SPATA6L: variants seen among roughly 807,000 people sequenced by gnomAD.
SPATA6L encodes the protein spermatogenesis associated 6-like protein.
A neutral mutation model predicts 49.2 loss-of-function variants in SPATA6L; 68 were observed. The ratio of observed to expected loss-of-function variants is 1.38; its 90% confidence interval spans 1.14 to 1.69. SPATA6L has a LOEUF of 1.69. Among genes scored for constraint, SPATA6L ranks in the 40% most tolerant of loss-of-function variants. The probability of loss-of-function intolerance (pLI) is 0.00; values close to 1 mark genes in which losing one functional copy is unlikely to be tolerated. For missense variants in SPATA6L, 668 were observed against 464.3 expected (o/e 1.44, Z -4.03); for synonymous variants, 198 against 165.7 (o/e 1.19, Z -1.50).
chr9:4,626,406 C>G, intron 5 of SPATA6L: 9 of 1,302,430 alleles, frequency 6.9e-6, no homozygotes, highest in Non-Finnish European at 9.1e-6. Flanking sequence ...GATCTGAGTT[C>G]CAGCTCATCC....
At chr9:4,658,138 C>G (rs1838734426) in intron 2 of SPATA6L, among the ~76,000 whole-genome samples, 1 of 152,180 alleles carries the variant, frequency 6.6e-6, no homozygotes, top group South Asian at 2.1e-4. Flanking sequence ...GCCTCCAGAA[C>G]AGTGAGATGA....
rs1312793967 is a variant in SPATA6L at position 4,598,654 on chromosome 9, G to A, written c.*2157C>T. On this transcript the variant is annotated 3_prime_UTR_variant, in exon 12 of 12. Transcript: ENST00000682582. Reference sequence around the variant, plus strand: ...AAAAACACTGAATATTGAATGTCATGGTGTATATTTTAACAATAACTGAAA... The same window carrying A: ...AAAAACACTGAATATTGAATGTCATAGTGTATATTTTAACAATAACTGAAA... 1.3e-5 allele frequency among the ~76,000 whole-genome samples: 2 copies of A among 152,150 alleles called. No individual in the cohort carries two copies. Among genetic ancestry groups the A allele is most frequent in the African/African-American group, 2.4e-5 (1 of 41,426 alleles).
At chr9:4,617,496 G>A (rs1828280901) in intron 9 of SPATA6L, 1 of 154,360 alleles carries the variant, frequency 6.5e-6, no homozygotes, top group Non-Finnish European at 1.4e-5. Context: ...CATTGTTTGT[G>A]AAAATAATGT....
chr9:4,602,839 G>C (rs964603522), intron 11 of SPATA6L, among the ~76,000 whole-genome samples: 5 of 152,214 alleles, frequency 3.3e-5, no homozygotes, highest in Non-Finnish European at 7.3e-5. Flanking sequence ...CCTAACCTAT[G>C]CCTCAGTTTT....
rs1830146528 is a variant in SPATA6L at position 4,625,383 on chromosome 9, G to A, written c.613C>T (p.Leu205Phe). ...CCAGAGATTTTGAAATTATTTCCAA[G>A]GTTCAACTGAGCTGGCTGGTCCTGG... is the stretch of plus-strand genomic sequence containing the variant. ...FFQDQPAQLN[L>F]GNNFKISGGS... Residue 205 changes from leucine (L) to phenylalanine (F), a missense_variant, in exon 6 of 12, where the codon CTT becomes TTT. By Grantham distance (22) the Leu-to-Phe change is conservative. Transcript: ENST00000682582. 6.2e-7 allele frequency: 1 copy of A among 1,613,920 alleles called. No homozygotes were observed. Among genetic ancestry groups the A allele is most frequent in the African/African-American group, 1.3e-5 (1 of 74,890 alleles).
chr9:4,604,879 C>T (rs1322765700), intron 10 of SPATA6L, among the ~76,000 whole-genome samples: 1 of 152,156 alleles, frequency 6.6e-6, no homozygotes, highest in Admixed American at 6.5e-5. Flanking sequence ...AAGCACTCCC[C>T]ATACCCCTGT....
In SPATA6L at chr9:4,662,276, C is replaced by A; in HGVS notation, c.40-240G>T. On this transcript the variant is annotated intron_variant, in intron 1 of 11. Transcript: ENST00000682582. This position sits in a 1 kb window ranked among gnomAD's most constrained non-coding sequence, Gnocchi z 4.9. ...ATCGCGCTCTCGCCGGCTCCTCTCC[C>A]CGCCCCTCCGGGATGGTAGTGCGGA... is the stretch of plus-strand genomic sequence containing the variant. The A allele has an allele frequency of 7.0e-7, 1 of 1,434,782 alleles. No individual in the cohort carries two copies. Among genetic ancestry groups the A allele is most frequent in the African/African-American group, 1.4e-5 (1 of 69,670 alleles). The allele number at this position is 1,434,782 out of a possible 1,614,324, so 88.9% of individuals were successfully genotyped here.
chr9:4,636,545 G>A (rs1052758920), intron 3 of SPATA6L, among the ~76,000 whole-genome samples: 1 of 152,130 alleles, frequency 6.6e-6, no homozygotes, highest in Non-Finnish European at 1.5e-5. Context: ...GACTGAGAGT[G>A]GTCCCCGCAC....
At chr9:4,647,565 T>A (rs1835696850) in intron 3 of SPATA6L, among the ~76,000 whole-genome samples, 1 of 152,158 alleles carries the variant, frequency 6.6e-6, no homozygotes, top group Admixed American at 6.5e-5. Flanking sequence ...CACTCCAGCC[T>A]TGGCAATGGA....
chr9:4,597,721 G>A (rs1179432192), downstream of SPATA6L, among the ~76,000 whole-genome samples: 1 of 152,222 alleles, frequency 6.6e-6, no homozygotes, highest in African/African-American at 2.4e-5. Flanking sequence ...CCCAGCACAA[G>A]GGAAGAGAGA....
chr9:4,625,510 G>C lies in SPATA6L; in HGVS notation c.486C>G (p.Pro162=). 3 of 1,613,218 alleles carry C rather than the reference G, an allele frequency of 1.9e-6. No individual in the cohort carries two copies. Among genetic ancestry groups the C allele is most frequent in the South Asian group, 1.1e-5 (1 of 90,926 alleles). ...TTAGTTTCATCTTTATAGTATTTAA[G>C]GGAAATATTGGTTCATGTGATGTAG... ...PLSTSHEPIF[P]LNTIKMKLKE... The change falls in exon 6 of 12, where the codon CCC becomes CCG. Residue 162 remains proline, a synonymous_variant. Coordinates refer to ENST00000682582, the MANE Select transcript of SPATA6L (RefSeq NM_001353486.2).
chr9:4,661,787 A>G (rs547969232), intron 2 of SPATA6L, 112 bp downstream of exon 2: 6 of 1,167,414 alleles, frequency 5.1e-6, no homozygotes, highest in Non-Finnish European at 6.9e-6. Context: ...GTGCTTTCGG[A>G]TAATTTTTTT....
At chr9:4,642,102 G>T (rs1834161689) in intron 3 of SPATA6L, among the ~76,000 whole-genome samples, 2 of 152,168 alleles carry the variant, frequency 1.3e-5, no homozygotes, top group South Asian at 4.1e-4. Flanking sequence ...ATCTGTCAGG[G>T]ATTGTTGAAT....
intron 3 of SPATA6L, among the ~76,000 whole-genome samples, chr9:4,652,841 CAAAAAAAA>C (rs79392745): frequency 1.8e-5 from 1 of 56,554 alleles, no homozygotes; most frequent in Non-Finnish European, 4.0e-5. Flanking sequence ...AATTCCGTCC[CAAAAAAAA>C]AAAAAAAAAA....
In SPATA6L at chr9:4,604,249, T is replaced by C; in HGVS notation, c.1110A>G (p.Val370=). The C allele has an allele frequency of 1.9e-6, 3 of 1,609,762 alleles. No homozygotes were observed. The South Asian group carries it at 3.3e-5, about 18-fold the overall frequency. The change falls in exon 11 of 12, where the codon GTA becomes GTG. Residue 370 remains valine, a synonymous_variant. Transcript: ENST00000682582. The stretch of plus-strand genomic sequence containing the variant: ...AGCTTGGTCTTTCAATGATATAATT[T>C]ACTTCAGAGGTAGAATCTTCCTACA... ...HQNKEDSTSE[V]NYIIERPSYP... is the part of the protein sequence containing the mutation.
chr9:4,632,034 C>CTTTTTT (rs905629115), intron 4 of SPATA6L, among the ~76,000 whole-genome samples: 4 of 113,012 alleles, frequency 3.5e-5, no homozygotes, highest in East Asian at 2.8e-4. Context: ...ACATCAGCTA[C>CTTTTTT]TTTTTTTTTT....
Position 4,662,309 on chromosome 9 carries a change from G to C in SPATA6L, c.40-273C>G, listed in dbSNP as rs970560980. On this transcript the variant is annotated intron_variant, in intron 1 of 11. Coordinates refer to ENST00000682582, the MANE Select transcript of SPATA6L (RefSeq NM_001353486.2). This position sits in a 1 kb window ranked among gnomAD's most constrained non-coding sequence, Gnocchi z 4.9. ...CCGGGATGGTAGTGCGGAAGCGGAA[G>C]AGGCTGCAGGGCCGGGAAGCCTCTG... 34 of 1,436,230 alleles carry C rather than the reference G, an allele frequency of 2.4e-5. No homozygotes were observed. The highest frequency in any genetic ancestry group is 3.1e-5 in the Non-Finnish European group (34 of 1,100,604). 89.0% of individuals were successfully genotyped at this position (1,436,230 alleles called of 1,614,324 possible).
In SPATA6L at chr9:4,622,402, G is replaced by A. The variant is rs772834320; in HGVS notation, c.772+6C>T. The stretch of plus-strand genomic sequence containing the variant: ...AATGTACAGGAGTAACAAGAAACTC[G>A]AGTACCTCTTCTCGTTGGAAACGGA... On this transcript the variant is annotated splice_donor_region_variant and intron_variant, in intron 7 of 11. Transcript: ENST00000682582. 56 of 1,576,510 alleles carry A rather than the reference G, an allele frequency of 3.6e-5. No homozygotes were observed. The highest frequency in any genetic ancestry group is 4.6e-5 in the Non-Finnish European group (53 of 1,146,292).
rs73387261 is a variant in SPATA6L, at chr9:4,625,196, T to A, written c.669+131A>T. On this transcript the variant is annotated intron_variant, in intron 6 of 11. Transcript: ENST00000682582. ...GGAAATGAACATAATTTAATCACAATTATTATTCAATTTGAAGTACCTTTT... is the reference window on the plus strand; with the variant it reads ...GGAAATGAACATAATTTAATCACAAATATTATTCAATTTGAAGTACCTTTT... 682 of 1,414,784 alleles carry A rather than the reference T, an allele frequency of 4.8e-4. 5 individuals carry two copies. In the African/African-American group the frequency reaches 8.9e-3, roughly 18 times the overall value. The allele number at this position is 1,414,784 out of a possible 1,614,324, so 87.6% of individuals were successfully genotyped here.
Sources: allele counts gnomAD v4.1 joint callset (sites outside exome capture counted in the v4.1 genomes callset), GRCh38; gene constraint gnomAD v4.1.1; non-coding constraint Gnocchi (gnomAD v3.1); transcripts MANE v1.5; gene names NCBI Gene and HGNC (gene_info 2026-07-23, HGNC 2026-07-21).